Variants in ADARB2 observed in about 807,000 individuals in gnomAD.
The protein encoded by ADARB2 is adenosine deaminase RNA specific B2 (inactive).
A neutral mutation model predicts 62.2 loss-of-function variants in ADARB2; 25 were observed. That is an observed-to-expected ratio of 0.40 (90% CI 0.29 to 0.56). ADARB2 has a LOEUF of 0.56. Ranked by LOEUF, ADARB2 falls within the 20% of genes least tolerant of loss-of-function variation. ADARB2 has a pLI of 0.43. For synonymous variants in ADARB2, 572 were observed against 500.8 expected (o/e 1.14, Z -1.90); for missense variants, 1,071 against 1,077.4 (o/e 0.99, Z 0.08).
intron 3 of ADARB2, among the ~76,000 whole-genome samples, chr10:1,299,795 G>A (rs1831556879): frequency 6.6e-6 from 1 of 152,226 alleles, no homozygotes; most frequent in Non-Finnish European, 1.5e-5. Context: ...TTGGGCTCCT[G>A]GGCAAAGAGA....
chr10:1,277,306 A>G (rs984051040), intron 3 of ADARB2, among the ~76,000 whole-genome samples: 2 of 152,188 alleles, frequency 1.3e-5, no homozygotes, highest in Non-Finnish European at 2.9e-5. Context: ...CAAAAAATTA[A>G]TGAATCCTGG....
chr10:1,445,537 C>T (rs2131898313), intron 1 of ADARB2, among the ~76,000 whole-genome samples: 1 of 151,440 alleles, frequency 6.6e-6, no homozygotes, highest in Non-Finnish European at 1.5e-5. Flanking sequence ...TCTGTCCATA[C>T]ATCTAAACTC....
At chr10:1,610,549 T>A (rs1315368228) in intron 1 of ADARB2, among the ~76,000 whole-genome samples, 2 of 152,112 alleles carry the variant, frequency 1.3e-5, no homozygotes, top group African/African-American at 4.8e-5. Context: ...TCGGGACAGG[T>A]GCCTGCCGGG....
At chr10:1,588,594 G>T (rs1159940450) in intron 1 of ADARB2, among the ~76,000 whole-genome samples, 1 of 152,158 alleles carries the variant, frequency 6.6e-6, no homozygotes, top group African/African-American at 2.4e-5. Flanking sequence ...TCGCCTGGAT[G>T]AAGGCAGAGA....
Position 1,446,563 on chromosome 10 carries a change from C to A in ADARB2, c.101-67403G>T, listed in dbSNP as rs531196488. On this transcript the variant is annotated intron_variant, in intron 1 of 9. Transcript: ENST00000381312. ...GCGGGGGCGAAGGCATGCAGGGAGG[C>A]GGTGCTGAAGCAGGAGACACGCTGG... Among the ~76,000 whole-genome samples the A allele has an allele frequency of 1.1e-4, 16 of 152,258 alleles. No homozygotes were observed. In the South Asian group the frequency reaches 3.3e-3, roughly 32 times the overall value.
At position 1,627,031 on chromosome 10, in the gene ADARB2, C is replaced by T. The variant is rs183029435; in HGVS notation, c.100+110020G>A. ...CCTTTTCCCCGGGCCCCGGCGCACC[C>T]GCTAGCACCGCTTTCTGCCCACCCT... is the stretch of plus-strand genomic sequence containing the variant. On this transcript the variant is annotated intron_variant, in intron 1 of 9. Coordinates refer to ENST00000381312, the MANE Select transcript of ADARB2 (RefSeq NM_018702.4). Among the ~76,000 whole-genome samples the T allele has an allele frequency of 6.1e-4, 93 of 152,078 alleles. 1 individual carries two copies. The highest frequency in any genetic ancestry group is 2.0e-3 in the African/African-American group (85 of 41,484).
At chr10:1,707,812 CA>C (rs1834908064) in intron 1 of ADARB2, among the ~76,000 whole-genome samples, 1 of 152,232 alleles carries the variant, frequency 6.6e-6, no homozygotes. Context: ...GCAGGCAGCA[CA>C]GAATTCAGAC....
intron 7 of ADARB2, among the ~76,000 whole-genome samples, chr10:1,208,939 C>T (rs1375443536): frequency 1.3e-5 from 2 of 152,198 alleles, no homozygotes; most frequent in African/African-American, 4.8e-5. Context: ...TCGGTGCTGT[C>T]AGGGCACTGA....
chr10:1,473,999 C>T (rs1216518185), intron 1 of ADARB2, among the ~76,000 whole-genome samples: 4 of 150,024 alleles, frequency 2.7e-5, no homozygotes, highest in Non-Finnish European at 6.0e-5. Flanking sequence ...GCCCCCGGAT[C>T]ACGGGGGAGC....
At chr10:1,187,192 G>A (rs370164881) in intron 8 of ADARB2, among the ~76,000 whole-genome samples, 17 of 152,240 alleles carry the variant, frequency 1.1e-4, no homozygotes, top group East Asian at 7.7e-4. Context: ...CCCGAGAGCC[G>A]GGAGGGACAA....
Position 1,398,368 on chromosome 10 carries a change from G to C in ADARB2, c.101-19208C>G, listed in dbSNP as rs1004523943. Among the ~76,000 whole-genome samples, 1 of 152,272 alleles carries C rather than the reference G, an allele frequency of 6.6e-6. No individual in the cohort carries two copies. The highest frequency in any genetic ancestry group is 2.4e-5 in the African/African-American group (1 of 41,478). On this transcript the variant is annotated intron_variant, in intron 1 of 9. Transcript: ENST00000381312. This position sits in a 1 kb window ranked among gnomAD's most constrained non-coding sequence, Gnocchi z 4.1. ...GCAGTGGCACTGACACGGGGTGAAA[G>C]ACCATGAGCGCTCCTCGGGACATCT...
At chr10:1,607,117 T>C (rs978545612) in intron 1 of ADARB2, among the ~76,000 whole-genome samples, 2 of 152,212 alleles carry the variant, frequency 1.3e-5, no homozygotes, top group Non-Finnish European at 2.9e-5. Flanking sequence ...TGAAATGTAA[T>C]CCATTTCAGT....
intron 3 of ADARB2, among the ~76,000 whole-genome samples, chr10:1,337,556 T>A (rs1831985898): frequency 6.6e-6 from 1 of 152,084 alleles, no homozygotes; most frequent in Non-Finnish European, 1.5e-5. Context: ...AAAGTGTAAT[T>A]TTTTCTGGAG....
chr10:1,580,769 T>C (rs1283793330), intron 1 of ADARB2, among the ~76,000 whole-genome samples: 1 of 152,136 alleles, frequency 6.6e-6, no homozygotes, highest in Admixed American at 6.5e-5. Context: ...CCTCCCTCCT[T>C]CCCCACAAGC....
intron 6 of ADARB2, among the ~76,000 whole-genome samples, chr10:1,219,992 TG>T (rs1352381967): frequency 7.5e-6 from 1 of 134,128 alleles, no homozygotes; most frequent in Admixed American, 7.5e-5. Flanking sequence ...GTGGTGATGA[TG>T]GTGATGATGA....
At chr10:1,609,435 T>C (rs1164450949) in intron 1 of ADARB2, among the ~76,000 whole-genome samples, 1 of 152,212 alleles carries the variant, frequency 6.6e-6, no homozygotes, top group African/African-American at 2.4e-5. Context: ...TGTCTGCCCC[T>C]GTCTCCTGCT....
intron 1 of ADARB2, among the ~76,000 whole-genome samples, chr10:1,380,377 G>A (rs1038254069): frequency 2.0e-5 from 3 of 152,228 alleles, no homozygotes; most frequent in Admixed American, 6.5e-5. Context: ...GGATATCCGC[G>A]GACGGGATTT....
chr10:1,599,849 T>G (rs1168035845), intron 1 of ADARB2, among the ~76,000 whole-genome samples: 7 of 152,066 alleles, frequency 4.6e-5, no homozygotes, highest in Non-Finnish European at 8.8e-5. Flanking sequence ...TAGGCTCAAG[T>G]GATTCTCCTA....
intron 1 of ADARB2, among the ~76,000 whole-genome samples, chr10:1,573,474 A>G (rs938945157): frequency 1.3e-5 from 2 of 152,214 alleles, no homozygotes; most frequent in Non-Finnish European, 2.9e-5. Flanking sequence ...TAAAGGTGCC[A>G]TCAGCAGAGA....
Sources: allele counts gnomAD v4.1 joint callset (sites outside exome capture counted in the v4.1 genomes callset), GRCh38; gene constraint gnomAD v4.1.1; non-coding constraint Gnocchi (gnomAD v3.1); transcripts MANE v1.5; gene names NCBI Gene and HGNC (gene_info 2026-07-23, HGNC 2026-07-21).